USH2A: variants seen among roughly 807,000 people sequenced by gnomAD.
The protein encoded by USH2A is usherin.
In USH2A, 443 loss-of-function variants were observed where a neutral mutation model predicts 538.9. The ratio of observed to expected loss-of-function variants is 0.82; its 90% CI spans 0.76 to 0.89. The LOEUF (loss-of-function observed/expected upper bound fraction) is 0.89, where lower values mean the gene tolerates loss of function less well. Ranked by LOEUF, USH2A falls within the 40% of genes least tolerant of loss-of-function variation. The probability of loss-of-function intolerance (pLI) is 0.00; values close to 1 mark genes in which losing one functional copy is unlikely to be tolerated. For synonymous variants in USH2A, 2,413 were observed against 2,273.5 expected (o/e 1.06, Z -1.75); for missense variants, 6,633 against 6,324.8 (o/e 1.05, Z -1.65).
chr1:215,639,281 A>T (rs368500469), intron 68 of USH2A, 43 bp from the exon 69 acceptor site: 1 of 1,585,172 alleles, frequency 6.3e-7, no homozygotes, highest in African/African-American at 1.3e-5. Flanking sequence ...TTCATTCAAC[A>T]CCTACAAATA....
intron 4 of USH2A, among the ~76,000 whole-genome samples, chr1:216,340,819 A>C (rs1176592656): frequency 1.3e-5 from 2 of 152,130 alleles, no homozygotes; most frequent in Non-Finnish European, 2.9e-5. Flanking sequence ...AACTCTCAAT[A>C]AACTAGGTAT....
intron 37 of USH2A, among the ~76,000 whole-genome samples, chr1:215,936,274 C>T (rs995531735): frequency 1.3e-5 from 2 of 151,970 alleles, no homozygotes; most frequent in Non-Finnish European, 2.9e-5. Flanking sequence ...TGGCATCATA[C>T]TAAAAGTGAT....
chr1:216,370,700 A>AAAAAAAAAAAAAAAAAAAAAC (rs2038696787), intron 3 of USH2A, among the ~76,000 whole-genome samples: 1 of 150,696 alleles, frequency 6.6e-6, no homozygotes, highest in South Asian at 2.1e-4. Context: ...AAAAAAAAAA[A>AAAAAAAAAAAAAAAAAAAAAC]AATACTCAAG....
intron 35 of USH2A, among the ~76,000 whole-genome samples, chr1:215,976,155 AT>A (rs1667614845): frequency 6.6e-6 from 1 of 152,200 alleles, no homozygotes; most frequent in African/African-American, 2.4e-5. Flanking sequence ...ATTTTTACAC[AT>A]TGATTTAGTA....
chr1:216,356,431 G>T (rs1231500011), intron 4 of USH2A, among the ~76,000 whole-genome samples: 1 of 151,860 alleles, frequency 6.6e-6, no homozygotes, highest in East Asian at 1.9e-4. Context: ...TGCACAAAAA[G>T]AAATTTAAAA....
intron 14 of USH2A, among the ~76,000 whole-genome samples, chr1:216,219,715 C>G (rs1572062100): frequency 6.6e-6 from 1 of 152,044 alleles, no homozygotes; most frequent in African/African-American, 2.4e-5. Flanking sequence ...CTTGGTACAG[C>G]CAGAGCTTCT....
intron 61 of USH2A, among the ~76,000 whole-genome samples, chr1:215,718,972 C>T (rs968644915): frequency 2.0e-5 from 3 of 152,164 alleles, no homozygotes; most frequent in Admixed American, 2.0e-4. Context: ...AAGAGGGTTT[C>T]CTTGTAAGTT....
intron 21 of USH2A, among the ~76,000 whole-genome samples, chr1:216,103,099 T>C (rs2032632787): frequency 6.6e-6 from 1 of 152,228 alleles, no homozygotes; most frequent in African/African-American, 2.4e-5. Flanking sequence ...ATCCCATTTA[T>C]ATCAAGTTCA....
intron 21 of USH2A, among the ~76,000 whole-genome samples, chr1:216,148,089 T>G (rs1432555050): frequency 9.2e-5 from 14 of 151,686 alleles, no homozygotes; most frequent in South Asian, 2.1e-4. Flanking sequence ...ACTCTCACAA[T>G]GGAAGGTAAG....
intron 4 of USH2A, among the ~76,000 whole-genome samples, chr1:216,346,900 T>C (rs2038186376): frequency 1.3e-5 from 2 of 152,158 alleles, no homozygotes; most frequent in African/African-American, 2.4e-5. Flanking sequence ...TAAAAGAGCT[T>C]TGATTAATCG....
intron 32 of USH2A, among the ~76,000 whole-genome samples, chr1:216,007,599 G>T (rs1276986915): frequency 6.6e-6 from 1 of 152,232 alleles, no homozygotes; most frequent in Non-Finnish European, 1.5e-5. Context: ...CAAAAAGAAA[G>T]ACTTTGGTGT....
At position 216,292,310 on chromosome 1, in the gene USH2A, C is replaced by T. The variant is rs138739049; in HGVS notation, c.1705G>A (p.Ala569Thr). The change falls in exon 10 of 72, where the codon GCT becomes ACT. Residue 569 changes from alanine to threonine, a missense_variant. Ala to Thr is a moderately conservative substitution (Grantham distance 58). Transcript: ENST00000307340. Reference protein sequence around the residue: ...KPFRQGDQVYAFNCKPCQCNS... With the variant: ...KPFRQGDQVYTFNCKPCQCNS... ...CATTGACAAGGTTTACAATTGAAAG[C>T]GTAAACTTGATCACCTTGGCGGAAA... 6.8e-6 allele frequency: 11 copies of T among 1,613,840 alleles called. No individual in the cohort carries two copies. The highest frequency in any genetic ancestry group is 1.3e-5 in the African/African-American group (1 of 74,882).
At chr1:216,291,969 A>G (rs2037009609) in intron 10 of USH2A, among the ~76,000 whole-genome samples, 1 of 152,266 alleles carries the variant, frequency 6.6e-6, no homozygotes, top group Non-Finnish European at 1.5e-5. Flanking sequence ...CTGAAAAGAT[A>G]TAGTTTAAGA....
At chr1:216,123,583 T>C (rs2033179144) in intron 21 of USH2A, among the ~76,000 whole-genome samples, 1 of 152,184 alleles carries the variant, frequency 6.6e-6, no homozygotes, top group Non-Finnish European at 1.5e-5. Flanking sequence ...CTTTTCCCTT[T>C]TTTTCGCATT....
At position 215,650,875 on chromosome 1, in the gene USH2A, GA is replaced by G. The variant is rs1225932468; in HGVS notation, c.14134-75del. 47 of 1,487,832 alleles carry G rather than the reference GA, an allele frequency of 3.2e-5. No individual in the cohort carries two copies. In the South Asian group the frequency reaches 3.7e-4, roughly 12 times the overall value. 92.2% of individuals were successfully genotyped at this position (1,487,832 alleles called of 1,614,324 possible). ...TGGGAAAAAAAAAAAAAAAAGAAAG[GA>G]AAAAAAACGAAATTGGCAACCAAAA... On this transcript the variant is annotated intron_variant, in intron 64 of 71. Transcript: ENST00000307340.
At chr1:215,858,891 C>T (rs1351628393) in intron 44 of USH2A, among the ~76,000 whole-genome samples, 1 of 152,160 alleles carries the variant, frequency 6.6e-6, no homozygotes, top group Non-Finnish European at 1.5e-5. Flanking sequence ...GTGGCTTGAA[C>T]AACAGAAACT....
At position 215,675,524 on chromosome 1, in the gene USH2A, T is replaced by A. The variant is rs749359912; in HGVS notation, c.12387A>T (p.Thr4129=). The A allele has an allele frequency of 1.2e-6, 2 of 1,613,768 alleles. No individual in the cohort carries two copies. Among genetic ancestry groups the A allele is most frequent in the Non-Finnish European group, 1.7e-6 (2 of 1,179,948 alleles). Residue 4129 remains threonine (T), a synonymous_variant, in exon 63 of 72, where the codon ACA becomes ACT. Coordinates refer to ENST00000307340, the MANE Select transcript of USH2A (RefSeq NM_206933.4). ...CTCTGGTGCAGGCCTCCAGGGTCAG[T>A]GTGTAGAGAGTGAAAGGATCCAGGC... ...FRRLDPFTLY[T]LTLEACTRAG... is the part of the protein sequence containing the mutation.
chr1:215,628,791 C>T lies in USH2A; in HGVS notation c.15519+23G>A, dbSNP rs115058075. ...TTTTTCTGGGATATTTAGCAAAGGCCCTGTATGAGGAAACCAACTCACCAG... is the reference window on the plus strand; with the variant it reads ...TTTTTCTGGGATATTTAGCAAAGGCTCTGTATGAGGAAACCAACTCACCAG... On this transcript the variant is annotated intron_variant, in intron 71 of 71. Coordinates refer to ENST00000307340, the MANE Select transcript of USH2A (RefSeq NM_206933.4). The T allele has an allele frequency of 4.4e-3, 7,118 of 1,612,430 alleles. 178 individuals are homozygous for T. In the African/African-American group the frequency reaches 0.07, roughly 16 times the overall value.
At chr1:215,981,855 T>A (rs1489503821) in intron 35 of USH2A, among the ~76,000 whole-genome samples, 1 of 152,162 alleles carries the variant, frequency 6.6e-6, no homozygotes, top group Non-Finnish European at 1.5e-5. Flanking sequence ...TTTACTAAGC[T>A]TTGAGGAAAA....
Sources: gnomAD v4.1 joint callset for allele counts (sites outside exome capture counted in the v4.1 genomes callset) on GRCh38, gnomAD v4.1.1 for gene constraint, MANE v1.5 for transcripts, NCBI Gene and HGNC (gene_info 2026-07-23, HGNC 2026-07-21) for gene names.